The following TBL1X variants were observed in gnomAD, a reference collection of about 807,000 sequenced individuals.
TBL1X encodes the protein transducin beta like 1 X-linked.
Under a neutral mutation model 50.7 loss-of-function variants are expected in TBL1X, and 10 were observed. That is an observed-to-expected ratio of 0.20 (90% CI 0.12 to 0.33). The LOEUF (loss-of-function observed/expected upper bound fraction) is 0.33, where lower values mean the gene tolerates loss of function less well. Among genes scored for constraint, TBL1X ranks in the 10% least tolerant of loss-of-function variants. TBL1X has a pLI of 1.00. For synonymous variants in TBL1X, 190 were observed against 214.7 expected (o/e 0.88, Z 1.01); for missense variants, 340 against 504.4 (o/e 0.67, Z 3.12).
At chrX:9,610,204 G>C (rs5934660) in intron 2 of TBL1X, among the ~76,000 whole-genome samples, 8,111 of 112,482 alleles carry the variant, frequency 0.072, 255 homozygotes, top group Middle Eastern at 0.13. Flanking sequence ...GTGTACTGCA[G>C]TTGGGACTGC....
intron 1 of TBL1X, among the ~76,000 whole-genome samples, chrX:9,485,503 A>C (rs989959297): frequency 9.0e-6 from 1 of 111,706 alleles, no homozygotes; most frequent in African/African-American, 3.3e-5. Flanking sequence ...GATGTTAGCA[A>C]AACTCAAACC....
intron 1 of TBL1X, among the ~76,000 whole-genome samples, chrX:9,499,404 G>A (rs1342794605): frequency 8.9e-6 from 1 of 111,956 alleles, no homozygotes; most frequent in African/African-American, 3.3e-5. Context: ...TGCTGTCCCT[G>A]GTAATGGAAG....
At chrX:9,547,267 G>A (rs1008469240) in intron 2 of TBL1X, among the ~76,000 whole-genome samples, 15 of 111,146 alleles carry the variant, frequency 1.3e-4, no homozygotes, top group African/African-American at 4.3e-4. Flanking sequence ...TGGGGCCTGG[G>A]TTCTTTTGTT....
intron 2 of TBL1X, among the ~76,000 whole-genome samples, chrX:9,575,414 C>T (rs954758620): frequency 9.0e-6 from 1 of 111,578 alleles, no homozygotes; most frequent in Non-Finnish European, 1.9e-5. Flanking sequence ...TACTTTCTGC[C>T]CCTATGCATT....
At chrX:9,710,384 C>T (rs764950802) in intron 15 of TBL1X, among the ~76,000 whole-genome samples, 1 of 110,610 alleles carries the variant, frequency 9.0e-6, no homozygotes, top group Admixed American at 9.6e-5. Flanking sequence ...CACTGAGAGA[C>T]GGAACCAAAA....
chrX:9,569,194 G>T (rs1333954574), intron 2 of TBL1X, among the ~76,000 whole-genome samples: 1 of 106,491 alleles, frequency 9.4e-6, no homozygotes, highest in East Asian at 3.0e-4. Context: ...TATCTGTGCA[G>T]TGTACTGTGT....
chrX:9,678,283 A>T (rs1166293784), intron 5 of TBL1X, among the ~76,000 whole-genome samples: 2 of 112,221 alleles, frequency 1.8e-5, no homozygotes, highest in Non-Finnish European at 3.8e-5. Flanking sequence ...AGGAGCAGAT[A>T]GTAAATATCC....
chrX:9,631,960 A>G (rs1051613690), intron 2 of TBL1X, among the ~76,000 whole-genome samples: 6 of 112,388 alleles, frequency 5.3e-5, no homozygotes, highest in Non-Finnish European at 9.4e-5. Flanking sequence ...TCTTTGAAAG[A>G]TATTTCATCT....
At chrX:9,528,700 G>GGTGGGGTCAGTGGGGTCA (rs1478237741) in intron 2 of TBL1X, among the ~76,000 whole-genome samples, 4 of 102,506 alleles carry the variant, frequency 3.9e-5, no homozygotes, top group African/African-American at 1.4e-4. Flanking sequence ...GGGGGGAGGG[G>GGTGGGGTCAGTGGGGTCA]GTGGGGTCAG....
intron 2 of TBL1X, among the ~76,000 whole-genome samples, chrX:9,576,491 C>T (rs1390337591): frequency 8.9e-6 from 1 of 111,732 alleles, no homozygotes; most frequent in East Asian, 2.8e-4. Flanking sequence ...ACCATCTGTC[C>T]TTTCCCATAA....
intron 2 of TBL1X, among the ~76,000 whole-genome samples, chrX:9,521,643 A>T (rs964956090): frequency 5.3e-5 from 6 of 112,349 alleles, no homozygotes; most frequent in Non-Finnish European, 9.4e-5. Flanking sequence ...TGCTGATAGG[A>T]AAAGTCAGCC....
chrX:9,484,167 G>C (rs996727194), intron 1 of TBL1X, among the ~76,000 whole-genome samples: 2 of 109,802 alleles, frequency 1.8e-5, no homozygotes, highest in Non-Finnish European at 3.8e-5. Context: ...ACCACACCCG[G>C]TTAATTTTTT....
At chrX:9,603,136 C>T (rs1204614380) in intron 2 of TBL1X, among the ~76,000 whole-genome samples, 1 of 112,075 alleles carries the variant, frequency 8.9e-6, no homozygotes, top group Non-Finnish European at 1.9e-5. Context: ...GAAGCCATGG[C>T]AGAATTTTTA....
chrX:9,588,138 A>G (rs2082480824), intron 2 of TBL1X, among the ~76,000 whole-genome samples: 1 of 112,554 alleles, frequency 8.9e-6, no homozygotes, highest in African/African-American at 3.2e-5. Flanking sequence ...AGAGCATAAC[A>G]GATATTTACA....
intron 3 of TBL1X, among the ~76,000 whole-genome samples, chrX:9,647,411 T>G (rs2082810746): frequency 8.9e-6 from 1 of 111,892 alleles, no homozygotes; most frequent in Non-Finnish European, 1.9e-5. Context: ...TTATTTCGTT[T>G]TTGCGCAATC....
intron 2 of TBL1X, among the ~76,000 whole-genome samples, chrX:9,638,991 C>T (rs754512183): frequency 9.0e-6 from 1 of 111,683 alleles, no homozygotes; most frequent in Non-Finnish European, 1.9e-5. Flanking sequence ...GGTGCCCTTT[C>T]ATTTCTATTC....
chrX:9,605,430 G>C (rs2082578185), intron 2 of TBL1X, among the ~76,000 whole-genome samples: 1 of 112,581 alleles, frequency 8.9e-6, no homozygotes, highest in South Asian at 3.7e-4. Context: ...CGATCAGGTA[G>C]ATCTATTCTT....
In TBL1X at chrX:9,665,489, CTATATATATATATATATATATATATATA is replaced by C. The variant is rs56756151; in HGVS notation, c.211+11190_211+11217del. ...ACTTAATTAAAAACTGATATTCAAG[CTATATATATATATATATATATATATATA>C]TATATATATATATATATATATAAAA... On this transcript the variant is annotated intron_variant, in intron 5 of 17. Transcript: ENST00000645353. 8.1e-3 allele frequency among the ~76,000 whole-genome samples: 161 copies of C among 19,810 alleles called. 10 individuals carry two copies. In the South Asian group the frequency reaches 0.13, roughly 16 times the overall value. 17.2% of individuals were successfully genotyped at this position (19,810 alleles called of 115,157 possible).
intron 2 of TBL1X, among the ~76,000 whole-genome samples, chrX:9,534,352 A>ATTTAGTGGCCACGTATTATTCGTT (rs1331141369): frequency 8.1e-5 from 9 of 111,430 alleles, no homozygotes; most frequent in African/African-American, 2.9e-4. Context: ...TACAGTTGTT[A>ATTTAGTGGCCACGTATTATTCGTT]TTTAGTGGCC....
Sources: allele counts gnomAD v4.1 joint callset (sites outside exome capture counted in the v4.1 genomes callset), GRCh38; gene constraint gnomAD v4.1.1; transcripts MANE v1.5; gene names NCBI Gene and HGNC (gene_info 2026-07-23, HGNC 2026-07-21).